The following TASP1 variants were observed in gnomAD, a reference collection of about 807,000 sequenced individuals.
The protein encoded by TASP1 is threonine aspartase 1.
In TASP1, 16 loss-of-function variants were observed where a neutral mutation model predicts 56.6. That is an observed-to-expected ratio of 0.28 (90% CI 0.19 to 0.43). The LOEUF (loss-of-function observed/expected upper bound fraction) is 0.43. Ranked by LOEUF, TASP1 falls within the 20% of genes least tolerant of loss-of-function variation. The probability of loss-of-function intolerance (pLI) is 1.00; values close to 1 mark genes in which losing one functional copy is unlikely to be tolerated. For missense variants in TASP1, 393 were observed against 511.6 expected (o/e 0.77, Z 2.24); for synonymous variants, 179 against 184.2 (o/e 0.97, Z 0.23).
At chr20:13,405,689 G>A (rs1165300930) in intron 13 of TASP1, among the ~76,000 whole-genome samples, 1 of 151,900 alleles carries the variant, frequency 6.6e-6, no homozygotes, top group Non-Finnish European at 1.5e-5. Context: ...TGGGACTACA[G>A]GTGTGTGCCA....
chr20:13,547,585 C>T (rs2146985277), intron 8 of TASP1, among the ~76,000 whole-genome samples: 1 of 152,238 alleles, frequency 6.6e-6, no homozygotes, highest in African/African-American at 2.4e-5. Flanking sequence ...AACCCACAGA[C>T]AGTAAAGATT....
chr20:13,463,583 A>C (rs969771126), intron 11 of TASP1, among the ~76,000 whole-genome samples: 2 of 152,186 alleles, frequency 1.3e-5, no homozygotes, highest in Non-Finnish European at 2.9e-5. Context: ...ATGGAATAAC[A>C]GAAAATATCT....
chr20:13,181,926 A>T, the TASP1 span, among the ~76,000 whole-genome samples: 7 of 152,330 alleles, frequency 4.6e-5, no homozygotes, highest in East Asian at 1.4e-3. Context: ...GAGATTGCAA[A>T]CACAAAAACC....
the TASP1 span, among the ~76,000 whole-genome samples, chr20:13,327,782 C>T: frequency 6.6e-6 from 1 of 152,086 alleles, no homozygotes; most frequent in Admixed American, 6.6e-5. Flanking sequence ...GACCCCTTCA[C>T]TACGCCATAT....
Position 13,435,051 on chromosome 20 carries a change from T to C in TASP1, c.1089A>G (p.Thr363=), listed in dbSNP as rs1266008001. Residue 363 remains threonine (T), a synonymous_variant, in exon 12 of 14, where the codon ACA becomes ACG. Coordinates refer to ENST00000337743, the MANE Select transcript of TASP1 (RefSeq NM_017714.3). The part of the protein sequence containing the change: ...AEPDSSQNKQ[T]LLVEFLWSHT... Reference sequence around the variant, plus strand: ...TGTATATGTCTCACTTACCTAGAAGTGTCTGCTTATTTTGGGAGGAGTCAG... The same window carrying C: ...TGTATATGTCTCACTTACCTAGAAGCGTCTGCTTATTTTGGGAGGAGTCAG... 2 of 1,609,308 alleles carry C rather than the reference T, an allele frequency of 1.2e-6. No homozygotes were observed. The highest frequency in any genetic ancestry group is 2.2e-5 in the East Asian group (1 of 44,680).
chr20:13,517,238 CTA>C (rs2044574893), intron 10 of TASP1, among the ~76,000 whole-genome samples: 1 of 152,012 alleles, frequency 6.6e-6, no homozygotes, highest in South Asian at 2.1e-4. Context: ...AGGACAAGGA[CTA>C]TGTTTTTAAT....
chr20:13,106,717 T>C, the TASP1 span, among the ~76,000 whole-genome samples: 2 of 152,200 alleles, frequency 1.3e-5, no homozygotes, highest in Non-Finnish European at 1.5e-5. Context: ...AACCGTGCCC[T>C]ACGTGCCATT....
chr20:13,530,106 C>T (rs554776561), intron 9 of TASP1, among the ~76,000 whole-genome samples: 1 of 152,282 alleles, frequency 6.6e-6, no homozygotes, highest in African/African-American at 2.4e-5. Context: ...AATTTGTGAG[C>T]TGTTCCCCAA....
intron 6 of TASP1, among the ~76,000 whole-genome samples, chr20:13,570,279 A>C (rs2046668090): frequency 6.6e-6 from 1 of 152,286 alleles, no homozygotes; most frequent in South Asian, 2.1e-4. Flanking sequence ...AAGTAATTTG[A>C]CTAAGCAAAT....
intron 10 of TASP1, 71 bp from the exon 11 acceptor site, chr20:13,483,408 G>GGGTGTTCT: frequency 2.9e-6 from 3 of 1,025,796 alleles, no homozygotes; most frequent in African/African-American, 1.6e-5. Flanking sequence ...AATAGCATTA[G>GGGTGTTCT]AACACCCTTA....
At chr20:13,171,558 T>C in the TASP1 span, among the ~76,000 whole-genome samples, 3 of 152,126 alleles carry the variant, frequency 2.0e-5, no homozygotes, top group South Asian at 2.1e-4. Context: ...GTACATAATA[T>C]AGAAAAATGA....
chr20:13,273,491 C>T, the TASP1 span, among the ~76,000 whole-genome samples: 1 of 152,116 alleles, frequency 6.6e-6, no homozygotes. Context: ...CTGCCTCAGC[C>T]TCTCAAAATG....
At chr20:13,436,221 C>CCCCT (rs2042995583) in intron 11 of TASP1, among the ~76,000 whole-genome samples, 1 of 151,978 alleles carries the variant, frequency 6.6e-6, no homozygotes, top group Non-Finnish European at 1.5e-5. Context: ...CCTCTGAAGG[C>CCCCT]AGGGGTACAG....
chr20:13,430,363 C>T (rs1397573723), intron 12 of TASP1, among the ~76,000 whole-genome samples: 4 of 152,164 alleles, frequency 2.6e-5, no homozygotes, highest in South Asian at 2.1e-4. Context: ...GCAGGCTCTC[C>T]GATGAGATTT....
chr20:13,579,209 G>A (rs2047030315), intron 6 of TASP1, among the ~76,000 whole-genome samples: 1 of 152,146 alleles, frequency 6.6e-6, no homozygotes, highest in South Asian at 2.1e-4. Flanking sequence ...TAAATCCAGA[G>A]ACAATCTCTT....
chr20:13,192,405 T>C, the TASP1 span, among the ~76,000 whole-genome samples: 4 of 152,098 alleles, frequency 2.6e-5, no homozygotes, highest in African/African-American at 9.7e-5. Flanking sequence ...CCCAGTACGG[T>C]GGCAGGTGCC....
At chr20:13,405,064 C>T (rs1365807666) in intron 13 of TASP1, among the ~76,000 whole-genome samples, 1 of 152,130 alleles carries the variant, frequency 6.6e-6, no homozygotes, top group Non-Finnish European at 1.5e-5. Context: ...TAAGGGTGTT[C>T]TTATTTCACC....
chr20:13,382,195 T>A, the TASP1 span, among the ~76,000 whole-genome samples: 27 of 152,300 alleles, frequency 1.8e-4, no homozygotes, highest in Admixed American at 5.9e-4. Flanking sequence ...TGCCACAAAC[T>A]AGCTGTTTTT....
the TASP1 span, chr20:13,169,149 CTGA>C: frequency 6.6e-6 from 1 of 152,026 alleles, no homozygotes; most frequent in Non-Finnish European, 1.5e-5. Context: ...TGAAAAAAGA[CTGA>C]GGTAGAGATT....
Sources: gnomAD v4.1 joint callset for allele counts (sites outside exome capture counted in the v4.1 genomes callset) on GRCh38, gnomAD v4.1.1 for gene constraint, MANE v1.5 for transcripts, NCBI Gene and HGNC (gene_info 2026-07-23, HGNC 2026-07-21) for gene names.